Variants in VTI1A observed in about 807,000 individuals in gnomAD.
VTI1A encodes vesicle transport through interaction with t-SNAREs 1A, also known as vesicle transport through interaction with t-SNAREs homolog 1A.
In VTI1A, 22 loss-of-function variants were observed where a neutral mutation model predicts 34.9. The ratio of observed to expected loss-of-function variants is 0.63; its 90% confidence interval spans 0.45 to 0.90. The LOEUF (loss-of-function observed/expected upper bound fraction) is 0.90. VTI1A is among the 40% of genes least tolerant of loss of function. The pLI is 0.00. For synonymous variants in VTI1A, 87 were observed against 97.3 expected (o/e 0.89, Z 0.62); for missense variants, 268 against 275.6 (o/e 0.97, Z 0.20).
chr10:112,550,797 A>T (rs1851320929), intron 5 of VTI1A, among the ~76,000 whole-genome samples: 1 of 152,104 alleles, frequency 6.6e-6, no homozygotes, highest in Admixed American at 6.5e-5. Flanking sequence ...AGAAAAAGGA[A>T]AAAGGCTTTT....
At chr10:112,584,021 C>G (rs1181868521) in intron 5 of VTI1A, among the ~76,000 whole-genome samples, 2 of 152,092 alleles carry the variant, frequency 1.3e-5, no homozygotes, top group Non-Finnish European at 2.9e-5. Context: ...ATGTAAAACA[C>G]ATTGTGTCAA....
intron 5 of VTI1A, among the ~76,000 whole-genome samples, chr10:112,542,564 G>A (rs1386092113): frequency 6.6e-6 from 1 of 152,180 alleles, no homozygotes; most frequent in African/African-American, 2.4e-5. Flanking sequence ...CCACGAAGAA[G>A]AGGTGCTCGA....
chr10:112,735,953 A>C (rs549799802), intron 7 of VTI1A, among the ~76,000 whole-genome samples: 1 of 151,524 alleles, frequency 6.6e-6, no homozygotes, highest in African/African-American at 2.4e-5. Context: ...CATGCAGGTA[A>C]AGTAGAATTT....
intron 3 of VTI1A, among the ~76,000 whole-genome samples, chr10:112,523,597 G>C (rs1428013468): frequency 1.3e-5 from 2 of 151,950 alleles, no homozygotes; most frequent in African/African-American, 4.8e-5. Context: ...GGTGGCGGGG[G>C]GAGGCAAGTA....
chr10:112,650,470 T>TC (rs397783631), intron 5 of VTI1A, among the ~76,000 whole-genome samples: 1 of 151,436 alleles, frequency 6.6e-6, no homozygotes, highest in Non-Finnish European at 1.5e-5. Context: ...CATTTTTTTT[T>TC]AAATAAGTGG....
intron 7 of VTI1A, among the ~76,000 whole-genome samples, chr10:112,798,670 C>T (rs1466906898): frequency 2.0e-5 from 3 of 152,186 alleles, no homozygotes; most frequent in Non-Finnish European, 2.9e-5. Context: ...AAATACGGTT[C>T]TTGGTGCCCA....
chr10:112,800,040 G>T (rs946557061), intron 7 of VTI1A, among the ~76,000 whole-genome samples: 2 of 152,182 alleles, frequency 1.3e-5, no homozygotes, highest in African/African-American at 4.8e-5. Flanking sequence ...GCAGGTGGCT[G>T]ATAAGCCTCT....
chr10:112,576,014 CTTTTCTTT>C (rs1311596832), intron 5 of VTI1A, among the ~76,000 whole-genome samples: 29 of 129,738 alleles, frequency 2.2e-4, no homozygotes, highest in African/African-American at 8.9e-4. Flanking sequence ...CTTTTCTTTT[CTTTTCTTT>C]TTTTTTTTTT....
At chr10:112,545,513 G>C (rs1233787075) in intron 5 of VTI1A, among the ~76,000 whole-genome samples, 2 of 152,118 alleles carry the variant, frequency 1.3e-5, no homozygotes, top group Non-Finnish European at 2.9e-5. Context: ...ATCATTTTCA[G>C]GTAAGTTCCG....
At chr10:112,497,022 A>C (rs1444208722) in intron 3 of VTI1A, among the ~76,000 whole-genome samples, 1 of 152,202 alleles carries the variant, frequency 6.6e-6, no homozygotes, top group Admixed American at 6.5e-5. Flanking sequence ...ATTGATTATT[A>C]TAAAGTGATT....
At chr10:112,846,780 A>G in the VTI1A span, among the ~76,000 whole-genome samples, 1 of 151,848 alleles carries the variant, frequency 6.6e-6, no homozygotes, top group African/African-American at 2.4e-5. Context: ...AAAAAAAAAA[A>G]AAGAAAAAAG....
At chr10:112,852,659 G>A in the VTI1A span, among the ~76,000 whole-genome samples, 1,056 of 152,336 alleles carry the variant, frequency 6.9e-3, 14 homozygotes, top group African/African-American at 0.024. Flanking sequence ...TATCTGCTTC[G>A]CAGTGCAGTG....
In VTI1A at chr10:112,612,679, C is replaced by A. The variant is rs192970495; in HGVS notation, c.428-55539C>A. ...CCTGAAGTGATCCTCCTGCCTCAGC[C>A]TCCCAAAGCACTGGGATTATAGGCA... On this transcript the variant is annotated intron_variant, in intron 5 of 7. Coordinates refer to ENST00000393077, the MANE Select transcript of VTI1A (RefSeq NM_145206.4). Among the ~76,000 whole-genome samples, 117 of 152,308 alleles carry A rather than the reference C, an allele frequency of 7.7e-4. 1 individual carries two copies. The highest frequency in any genetic ancestry group is 2.5e-3 in the African/African-American group (102 of 41,564).
chr10:112,806,383 T>C (rs952125995), intron 7 of VTI1A, among the ~76,000 whole-genome samples: 1 of 151,636 alleles, frequency 6.6e-6, no homozygotes, highest in South Asian at 2.1e-4. Flanking sequence ...CCTCCCGGGT[T>C]CAAGCGATTC....
intron 5 of VTI1A, among the ~76,000 whole-genome samples, chr10:112,618,077 C>T (rs945460306): frequency 1.3e-5 from 2 of 152,064 alleles, no homozygotes; most frequent in South Asian, 2.1e-4. Context: ...TCACTTGAAC[C>T]CGGGAGGCGG....
chr10:112,494,722 CAGGATGGTCTT>C (rs1343985936), intron 3 of VTI1A, among the ~76,000 whole-genome samples: 2 of 152,086 alleles, frequency 1.3e-5, no homozygotes. Context: ...TTGGCCAGGA[CAGGATGGTCTT>C]GAACTCCTGA....
chr10:112,610,496 G>C (rs1845254599), intron 5 of VTI1A, among the ~76,000 whole-genome samples: 1 of 152,174 alleles, frequency 6.6e-6, no homozygotes. Context: ...CTTTTAGACA[G>C]TTGACTCTAA....
chr10:112,834,432 G>A, the VTI1A span, among the ~76,000 whole-genome samples: 1 of 152,206 alleles, frequency 6.6e-6, no homozygotes, highest in Non-Finnish European at 1.5e-5. Context: ...AATTCTGACA[G>A]TCAGATGGGA....
chr10:112,750,765 C>G (rs1421516299), intron 7 of VTI1A, among the ~76,000 whole-genome samples: 1 of 152,214 alleles, frequency 6.6e-6, no homozygotes, highest in Non-Finnish European at 1.5e-5. Flanking sequence ...AATATGTACA[C>G]TAAGTCTCCT....
Sources: gnomAD v4.1 joint callset for allele counts (sites outside exome capture counted in the v4.1 genomes callset) on GRCh38, gnomAD v4.1.1 for gene constraint, MANE v1.5 for transcripts, NCBI Gene and HGNC (gene_info 2026-07-23, HGNC 2026-07-21) for gene names.